The following OPA3 variants were observed in gnomAD, a reference collection of about 807,000 sequenced individuals.
OPA3 encodes optic atrophy 3 protein.
Under a neutral mutation model 4.0 loss-of-function variants are expected in OPA3, and 6 were observed. The observed-to-expected ratio is 1.51, with a 90% CI of 0.83 to 2.99. The LOEUF is 2.99. OPA3 is among the 30% of genes most tolerant of loss of function. OPA3 has a pLI of 0.00. For missense variants in OPA3, 235 were observed against 256.2 expected (o/e 0.92, Z 0.56); for synonymous variants, 105 against 117.1 (o/e 0.90, Z 0.67).
At chr19:45,558,410 T>G (rs974951422) in intron 1 of OPA3, among the ~76,000 whole-genome samples, 3 of 152,070 alleles carry the variant, frequency 2.0e-5, no homozygotes, top group Non-Finnish European at 4.4e-5. Flanking sequence ...AAGTAACACA[T>G]GGCAAGAAAA....
intron 1 of OPA3, among the ~76,000 whole-genome samples, chr19:45,530,925 T>A (rs1969052594): frequency 1.1e-5 from 1 of 94,312 alleles, no homozygotes; most frequent in Non-Finnish European, 2.0e-5. Flanking sequence ...CCATGTCACC[T>A]ACTTTTTTTT....
Position 45,548,137 on chromosome 19 carries a change from TCTC to T in OPA3, c.*5374_*5376del, listed in dbSNP as rs1969278362. 1 of 985,572 alleles carries T rather than the reference TCTC, an allele frequency of 1.0e-6. No individual in the cohort carries two copies. Among genetic ancestry groups the T allele is most frequent in the Non-Finnish European group, 1.2e-6 (1 of 830,068 alleles). The allele number at this position is 985,572 out of a possible 1,614,324, so 61.1% of individuals were successfully genotyped here. On this transcript the variant is annotated 3_prime_UTR_variant, in exon 2 of 2. Coordinates refer to ENST00000263275, the MANE Select transcript of OPA3 (RefSeq NM_025136.4). ...TCAGTACACTCAGAGTTGCCATGCT[TCTC>T]CTCTCTCTGTCCACACCGACTCCAG...
At chr19:45,532,898 A>T (rs1969074582) in intron 1 of OPA3, among the ~76,000 whole-genome samples, 3 of 151,800 alleles carry the variant, frequency 2.0e-5, no homozygotes, top group South Asian at 4.2e-4. Context: ...TTTATTTTTT[A>T]AATTTTTTTT....
intron 1 of OPA3, among the ~76,000 whole-genome samples, chr19:45,534,193 C>A (rs1969090506): frequency 6.6e-6 from 1 of 152,132 alleles, no homozygotes; most frequent in Admixed American, 6.5e-5. Flanking sequence ...CCATTAACCC[C>A]CTCCAAGGGA....
At chr19:45,539,537 A>C (rs1969159491) in intron 1 of OPA3, among the ~76,000 whole-genome samples, 1 of 152,108 alleles carries the variant, frequency 6.6e-6, no homozygotes, top group Non-Finnish European at 1.5e-5. Flanking sequence ...GGCTGGTCTC[A>C]AACTCCTGAC....
At chr19:45,545,484 T>C (rs949861042), downstream of OPA3, among the ~76,000 whole-genome samples, 18 of 151,736 alleles carry the variant, frequency 1.2e-4, no homozygotes, top group African/African-American at 3.9e-4. Context: ...TGAGCCGTGA[T>C]TGCACCACCG....
chr19:45,574,554 C>T (rs1355917622), intron 1 of OPA3, among the ~76,000 whole-genome samples: 2 of 152,154 alleles, frequency 1.3e-5, no homozygotes. Context: ...TATTAGTATC[C>T]CATTTGATAA....
At chr19:45,554,956 A>C (rs951772932) in intron 1 of OPA3, among the ~76,000 whole-genome samples, 1 of 151,944 alleles carries the variant, frequency 6.6e-6, no homozygotes, top group African/African-American at 2.4e-5. Context: ...ATGCCCGTCT[A>C]ATTTTTCGTA....
At chr19:45,576,105 C>T (rs1178714237) in intron 1 of OPA3, among the ~76,000 whole-genome samples, 1 of 151,990 alleles carries the variant, frequency 6.6e-6, no homozygotes, top group East Asian at 1.9e-4. Context: ...CGCCTGTAAT[C>T]CCAGCTATTC....
intron 1 of OPA3, among the ~76,000 whole-genome samples, chr19:45,564,247 G>C (rs188001510): frequency 6.6e-6 from 1 of 152,236 alleles, no homozygotes; most frequent in Non-Finnish European, 1.5e-5. Context: ...GCAGATGGCT[G>C]AGAGGTAACT....
chr19:45,534,358 T>C (rs1035859779), intron 1 of OPA3, among the ~76,000 whole-genome samples: 3 of 151,904 alleles, frequency 2.0e-5, no homozygotes, highest in African/African-American at 7.3e-5. Context: ...GGTCAGGAGT[T>C]CCAGACCAGC....
chr19:45,559,393 C>CTTTTTTTTTTTTT (rs1411300137), intron 1 of OPA3, among the ~76,000 whole-genome samples: 6 of 97,834 alleles, frequency 6.1e-5, no homozygotes, highest in Non-Finnish European at 1.1e-4. Context: ...CCCTCTTTTT[C>CTTTTTTTTTTTTT]TTTCTTTTTT....
intron 1 of OPA3, among the ~76,000 whole-genome samples, chr19:45,531,425 T>C (rs890564542): frequency 6.6e-6 from 1 of 152,204 alleles, no homozygotes; most frequent in Admixed American, 6.5e-5. Flanking sequence ...GGGACCAAGA[T>C]CATCCAGATG....
intron 1 of OPA3, among the ~76,000 whole-genome samples, chr19:45,576,287 T>G (rs1254407178): frequency 6.9e-6 from 1 of 145,846 alleles, no homozygotes; most frequent in Non-Finnish European, 1.5e-5. Context: ...TCCCAGCACT[T>G]TGGGAGGCCA....
intron 1 of OPA3, among the ~76,000 whole-genome samples, chr19:45,562,902 G>A (rs1199434352): frequency 6.6e-6 from 1 of 152,070 alleles, no homozygotes; most frequent in African/African-American, 2.4e-5. Context: ...AAGGTATGTG[G>A]GAACTCTCTG....
intron 1 of OPA3, among the ~76,000 whole-genome samples, chr19:45,563,515 C>T (rs1969536502): frequency 6.6e-6 from 1 of 151,946 alleles, no homozygotes; most frequent in South Asian, 2.1e-4. Flanking sequence ...TCACAAATTC[C>T]AGCATTTCTG....
chr19:45,533,673 C>T lies in OPA3; in HGVS notation c.143-4217G>A, dbSNP rs548497114. On this transcript the variant is annotated intron_variant, in intron 1 of 1. Coordinates refer to the OPA3 transcript ENST00000323060. ...GGCCAGGCCAGGCCAGGCCAAGCTT[C>T]TGTTGGTTGAATGCAAAGCATGGTG... 2.6e-5 allele frequency among the ~76,000 whole-genome samples: 4 copies of T among 152,312 alleles called. No individual in the cohort carries two copies. The South Asian group carries it at 8.3e-4, about 32-fold the overall frequency.
chr19:45,530,295 A>G (rs1969045097), intron 1 of OPA3, among the ~76,000 whole-genome samples: 1 of 152,098 alleles, frequency 6.6e-6, no homozygotes, highest in Non-Finnish European at 1.5e-5. Flanking sequence ...CAGAGGCTGC[A>G]GTGAGCCGAG....
At chr19:45,572,800 TC>T (rs1465309602) in intron 1 of OPA3, among the ~76,000 whole-genome samples, 2 of 116,654 alleles carry the variant, frequency 1.7e-5, no homozygotes, top group East Asian at 3.3e-4. Flanking sequence ...GATATATATA[TC>T]ATACTATATA....
Sources: gnomAD v4.1 joint callset for allele counts (sites outside exome capture counted in the v4.1 genomes callset) on GRCh38, gnomAD v4.1.1 for gene constraint, MANE v1.5 for transcripts, NCBI Gene and HGNC (gene_info 2026-07-23, HGNC 2026-07-21) for gene names.